POU6F2: variants seen among roughly 807,000 people sequenced by gnomAD.
POU6F2 encodes the protein POU domain, class 6, transcription factor 2.
A neutral mutation model predicts 71.3 loss-of-function variants in POU6F2; 31 were observed. The observed-to-expected ratio is 0.43, with a 90% CI of 0.33 to 0.59. The LOEUF is 0.59. Among genes scored for constraint, POU6F2 ranks in the 20% least tolerant of loss-of-function variants. POU6F2 has a pLI of 0.04. For missense variants in POU6F2, 783 were observed against 856.8 expected (o/e 0.91, Z 1.07); for synonymous variants, 347 against 355.7 (o/e 0.98, Z 0.27).
At chr7:39,193,285 G>T (rs2128743528) in intron 2 of POU6F2, among the ~76,000 whole-genome samples, 2 of 152,174 alleles carry the variant, frequency 1.3e-5, no homozygotes, top group East Asian at 3.9e-4. Context: ...CACAGGAAAA[G>T]GATGTCTCTG....
chr7:39,023,925 T>A (rs1290045154), intron 1 of POU6F2, among the ~76,000 whole-genome samples: 1 of 152,108 alleles, frequency 6.6e-6, no homozygotes, highest in Non-Finnish European at 1.5e-5. Flanking sequence ...TTACTAACAC[T>A]AAAACTTCTT....
At chr7:39,262,573 GT>G (rs1276927729) in intron 4 of POU6F2, among the ~76,000 whole-genome samples, 1 of 152,140 alleles carries the variant, frequency 6.6e-6, no homozygotes, top group Non-Finnish European at 1.5e-5. Flanking sequence ...AATGACTAGG[GT>G]TTTTTAATAT....
intron 2 of POU6F2, among the ~76,000 whole-genome samples, chr7:39,113,593 G>A (rs767597801): frequency 3.3e-4 from 50 of 152,132 alleles, no homozygotes; most frequent in Admixed American, 6.5e-4. Context: ...TAGTCAACTC[G>A]AAACAATCTG....
chr7:39,390,844 G>A (rs1562812756), intron 5 of POU6F2, among the ~76,000 whole-genome samples: 1 of 151,154 alleles, frequency 6.6e-6, no homozygotes, highest in Non-Finnish European at 1.5e-5. Context: ...CTTGTTTTTT[G>A]TTTTTTGGTT....
intron 1 of POU6F2, among the ~76,000 whole-genome samples, chr7:39,053,796 C>G (rs1436925976): frequency 6.6e-6 from 1 of 151,696 alleles, no homozygotes; most frequent in Non-Finnish European, 1.5e-5. Flanking sequence ...GCAAATAGAA[C>G]AACAAAATGA....
intron 2 of POU6F2, among the ~76,000 whole-genome samples, chr7:39,168,742 A>G (rs1793161040): frequency 6.6e-6 from 1 of 152,244 alleles, no homozygotes; most frequent in African/African-American, 2.4e-5. Flanking sequence ...TGTTAACACA[A>G]TAGAAAGGAC....
At chr7:39,064,948 G>C (rs1007468356) in intron 1 of POU6F2, among the ~76,000 whole-genome samples, 2 of 151,824 alleles carry the variant, frequency 1.3e-5, no homozygotes, top group Non-Finnish European at 3.0e-5. Context: ...AAGTCAATGC[G>C]AAGTTGATTA....
At chr7:39,081,225 G>A (rs1791112291) in intron 1 of POU6F2, among the ~76,000 whole-genome samples, 1 of 152,216 alleles carries the variant, frequency 6.6e-6, no homozygotes, top group Admixed American at 6.5e-5. Context: ...ATATGTACTT[G>A]TAGAAGTGTT....
At chr7:39,282,083 A>G (rs187397983) in intron 4 of POU6F2, among the ~76,000 whole-genome samples, 13 of 152,174 alleles carry the variant, frequency 8.5e-5, no homozygotes, top group Admixed American at 6.5e-4. Flanking sequence ...GGCCATTTGT[A>G]TGTCTTCCAA....
At chr7:39,222,274 A>C (rs917665534) in intron 4 of POU6F2, among the ~76,000 whole-genome samples, 7 of 152,244 alleles carry the variant, frequency 4.6e-5, no homozygotes, top group Non-Finnish European at 1.0e-4. Flanking sequence ...ATGAACTACC[A>C]AATTCAGTTG....
intron 1 of POU6F2, among the ~76,000 whole-genome samples, chr7:39,074,081 G>A (rs773088950): frequency 1.3e-5 from 2 of 152,152 alleles, no homozygotes; most frequent in Non-Finnish European, 2.9e-5. Flanking sequence ...GGGCATGGTG[G>A]CTTACGCCTG....
intron 2 of POU6F2, among the ~76,000 whole-genome samples, chr7:39,124,946 C>T (rs1422892400): frequency 6.6e-6 from 1 of 151,886 alleles, no homozygotes; most frequent in Non-Finnish European, 1.5e-5. Flanking sequence ...GTTTATATTG[C>T]CTATAGGAAC....
At chr7:39,383,510 A>G (rs1307746388) in intron 5 of POU6F2, among the ~76,000 whole-genome samples, 1 of 152,232 alleles carries the variant, frequency 6.6e-6, no homozygotes, top group African/African-American at 2.4e-5. Context: ...AATTAGATCA[A>G]TCCAGTGGTG....
At chr7:39,341,209 C>T (rs1441981373) in intron 5 of POU6F2, among the ~76,000 whole-genome samples, 1 of 152,182 alleles carries the variant, frequency 6.6e-6, no homozygotes, top group African/African-American at 2.4e-5. Context: ...TGTCCCATAG[C>T]TTTGTCTCTT....
Position 39,464,056 on chromosome 7 carries a change from C to T in POU6F2, c.1659-126C>T, listed in dbSNP as rs1789010494. On this transcript the variant is annotated intron_variant, in intron 9 of 9. Transcript: ENST00000518318. The surrounding 1 kb of genome is among the most constrained non-coding windows in gnomAD (Gnocchi z 4.1). ...TGGGCGCTGGCTTGGGCAGGGCTGG[C>T]TACCTTGCAGCTGGCTATTAACCTG... is the stretch of plus-strand genomic sequence containing the variant. 1.5e-6 allele frequency: 2 copies of T among 1,292,076 alleles called. No homozygotes were observed. Among genetic ancestry groups the T allele is most frequent in the Admixed American group, 4.3e-5 (2 of 46,804 alleles). The allele number at this position is 1,292,076 out of a possible 1,614,324, so 80.0% of individuals were successfully genotyped here. A position where few individuals can be genotyped will look rare whatever the true frequency, so the allele number is the denominator to read the frequency against.
At chr7:39,194,973 G>A (rs890381297) in intron 2 of POU6F2, among the ~76,000 whole-genome samples, 1 of 151,996 alleles carries the variant, frequency 6.6e-6, no homozygotes, top group African/African-American at 2.4e-5. Context: ...AACAAACTCC[G>A]CACACACCAT....
rs761860172 is a variant in POU6F2 at position 39,433,185 on chromosome 7, G to A, written c.1222G>A (p.Ala408Thr). 100 of 1,613,546 alleles carry A rather than the reference G, an allele frequency of 6.2e-5. No homozygotes were observed. Among genetic ancestry groups the A allele is most frequent in the Admixed American group, 1.7e-4 (10 of 59,974 alleles). The change falls in exon 7 of 10, where the codon GCC becomes ACC. Residue 408 changes from alanine to threonine, a missense_variant. By Grantham distance (58) the Ala-to-Thr change is moderately conservative. Transcript: ENST00000518318. The stretch of plus-strand genomic sequence containing the variant: ...AATCACCCCCCAGCTCCTCACAAAC[G>A]CCCAGGGCCAGATCATCGCCACAGT... ...QPITPQLLTN[A>T]QGQIIATVIG... is the part of the protein sequence containing the mutation.
At chr7:39,166,051 C>G (rs1404125104) in intron 2 of POU6F2, among the ~76,000 whole-genome samples, 1 of 152,192 alleles carries the variant, frequency 6.6e-6, no homozygotes, top group Non-Finnish European at 1.5e-5. Flanking sequence ...CTCAGCAGCA[C>G]AAATACCTGT....
intron 4 of POU6F2, among the ~76,000 whole-genome samples, chr7:39,223,422 A>G (rs1206141111): frequency 2.6e-5 from 4 of 152,214 alleles, no homozygotes; most frequent in African/African-American, 7.2e-5. Context: ...TTACCATGAA[A>G]GAAATTCTTG....
Sources: gnomAD v4.1 joint callset for allele counts (sites outside exome capture counted in the v4.1 genomes callset) on GRCh38, gnomAD v4.1.1 for gene constraint, Gnocchi (gnomAD v3.1) non-coding constraint, MANE v1.5 for transcripts, NCBI Gene and HGNC (gene_info 2026-07-23, HGNC 2026-07-21) for gene names.